The following LOC400499 variants were observed in gnomAD, a reference collection of about 807,000 sequenced individuals.
the LOC400499 span, among the ~76,000 whole-genome samples, chr16:11,406,621 G>A: frequency 1.7e-4 from 26 of 152,306 alleles, no homozygotes; most frequent in East Asian, 5.8e-4. Flanking sequence ...TAGTAGAGAC[G>A]GGGTTTCCCC....
chr16:11,455,161 A>G, the LOC400499 span, among the ~76,000 whole-genome samples: 46 of 152,346 alleles, frequency 3.0e-4, no homozygotes, highest in Admixed American at 5.9e-4. Flanking sequence ...ATGATAGGAC[A>G]CCATATATCT....
At chr16:11,389,583 G>A in the LOC400499 span, among the ~76,000 whole-genome samples, 1 of 148,266 alleles carries the variant, frequency 6.7e-6, no homozygotes, top group Non-Finnish European at 1.5e-5. Flanking sequence ...TACTAGGGAG[G>A]CTGAGGCAGG....
chr16:11,473,947 C>T, the LOC400499 span, among the ~76,000 whole-genome samples: 8 of 152,162 alleles, frequency 5.3e-5, no homozygotes, highest in Non-Finnish European at 1.0e-4. Flanking sequence ...CCTCGACCTC[C>T]TGGGCTCAAG....
chr16:11,444,549 A>C, the LOC400499 span, among the ~76,000 whole-genome samples: 2 of 152,216 alleles, frequency 1.3e-5, no homozygotes, highest in African/African-American at 4.8e-5. Flanking sequence ...GGTAGTTATG[A>C]GTGAACAAGA....
chr16:11,399,814 A>C, the LOC400499 span: 1 of 398,804 alleles, frequency 2.5e-6, no homozygotes, highest in African/African-American at 2.1e-5. Context: ...GGTGAGCTGC[A>C]CCTGCATTGG....
chr16:11,521,320 G>T, the LOC400499 span, among the ~76,000 whole-genome samples: 10 of 152,122 alleles, frequency 6.6e-5, no homozygotes, highest in African/African-American at 2.2e-4. Context: ...AAATATGAGG[G>T]TTATCAGAAA....
At chr16:11,372,825 G>C in the LOC400499 span, 3 of 486,056 alleles carry the variant, frequency 6.2e-6, no homozygotes, top group Non-Finnish European at 8.0e-6. Context: ...TTATGCTAGG[G>C]CCCCTGGCCT....
the LOC400499 span, among the ~76,000 whole-genome samples, chr16:11,408,864 A>G: frequency 6.6e-6 from 1 of 152,032 alleles, no homozygotes; most frequent in Non-Finnish European, 1.5e-5. Context: ...ATGGATAGAG[A>G]GCTATGTGAT....
the LOC400499 span, among the ~76,000 whole-genome samples, chr16:11,483,709 TAA>T: frequency 6.9e-6 from 1 of 145,366 alleles, no homozygotes. Context: ...GTACAACTTT[TAA>T]AAAAAAAAAA....
At chr16:11,498,000 C>T in the LOC400499 span, among the ~76,000 whole-genome samples, 1 of 152,140 alleles carries the variant, frequency 6.6e-6, no homozygotes, top group Admixed American at 6.5e-5. Flanking sequence ...AAGCTGATTT[C>T]ACTTTTCCAA....
the LOC400499 span, among the ~76,000 whole-genome samples, chr16:11,434,564 GA>G: frequency 3.3e-5 from 5 of 152,150 alleles, no homozygotes; most frequent in African/African-American, 1.2e-4. Flanking sequence ...GCTTGATGGG[GA>G]AAAAGACCCC....
chr16:11,456,862 C>A, the LOC400499 span: 1 of 1,536,286 alleles, frequency 6.5e-7, no homozygotes, highest in South Asian at 1.2e-5. Context: ...CACTCACCTT[C>A]CCACTTCCAC....
At chr16:11,507,544 C>G in the LOC400499 span, among the ~76,000 whole-genome samples, 2 of 152,204 alleles carry the variant, frequency 1.3e-5, no homozygotes, top group East Asian at 3.8e-4. Context: ...AAAATGGGCA[C>G]AATGATATGA....
chr16:11,463,483 CAT>C, the LOC400499 span, among the ~76,000 whole-genome samples: 5 of 149,640 alleles, frequency 3.3e-5, no homozygotes, highest in Admixed American at 6.6e-5. Context: ...TGTACACAGA[CAT>C]GTGGGTGCAT....
At chr16:11,424,329 G>T in the LOC400499 span, 3 of 399,814 alleles carry the variant, frequency 7.5e-6, no homozygotes, top group Admixed American at 4.4e-5. Flanking sequence ...GAGCATCCCT[G>T]CCTCGGAGGG....
the LOC400499 span, among the ~76,000 whole-genome samples, chr16:11,509,174 G>T: frequency 6.9e-6 from 1 of 144,872 alleles, no homozygotes; most frequent in Non-Finnish European, 1.5e-5. Flanking sequence ...CTGGAGTGCA[G>T]TGGCGCGATC....
chr16:11,444,129 C>T, the LOC400499 span, among the ~76,000 whole-genome samples: 3 of 152,276 alleles, frequency 2.0e-5, no homozygotes, highest in African/African-American at 7.2e-5. Flanking sequence ...GTGTGAGCCA[C>T]CACACCTGGC....
At chr16:11,412,284 G>A in the LOC400499 span, among the ~76,000 whole-genome samples, 2 of 152,190 alleles carry the variant, frequency 1.3e-5, no homozygotes, top group South Asian at 4.1e-4. Flanking sequence ...TCGTGGGTGT[G>A]TCCTAGGCAC....
the LOC400499 span, among the ~76,000 whole-genome samples, chr16:11,488,456 G>A: frequency 2.6e-5 from 4 of 152,110 alleles, no homozygotes; most frequent in Non-Finnish European, 5.9e-5. Flanking sequence ...GGTTTACTCT[G>A]TCACCCACGC....
Sources: allele counts gnomAD v4.1 joint callset (sites outside exome capture counted in the v4.1 genomes callset), GRCh38; gene constraint gnomAD v4.1.1; transcripts MANE v1.5.